Variants in CD99L2 observed in about 807,000 individuals in gnomAD.
The protein encoded by CD99L2 is CD99 antigen-like protein 2.
A neutral mutation model predicts 27.3 loss-of-function variants in CD99L2; 24 were observed. The observed-to-expected ratio is 0.88, with a 90% CI of 0.64 to 1.24. The LOEUF (loss-of-function observed/expected upper bound fraction) is 1.24. CD99L2 is among the 50% of genes most tolerant of loss of function. The pLI is 0.00. For synonymous variants in CD99L2, 97 were observed against 87.9 expected, an observed-to-expected ratio of 1.10 and a Z score of -0.58; for missense variants, 255 against 221.6, an observed-to-expected ratio of 1.15 and a Z score of -0.96.
chrX:150,861,141 C>CAAAAAAAAAAAAAAAAAAAAAAAAAAAA (rs782255590), intron 1 of CD99L2, among the ~76,000 whole-genome samples: 1 of 40,917 alleles, frequency 2.4e-5, no homozygotes, highest in African/African-American at 8.8e-5. Flanking sequence ...GACTCTGTCT[C>CAAAAAAAAAAAAAAAAAAAAAAAAAAAA]AAAAAAAAAA....
intron 2 of CD99L2, among the ~76,000 whole-genome samples, chrX:150,825,896 G>A (rs1161122829): frequency 8.9e-6 from 1 of 111,871 alleles, no homozygotes; most frequent in Non-Finnish European, 1.9e-5. Flanking sequence ...AACAGGGTGG[G>A]TTCCCCCAGG....
intron 1 of CD99L2, among the ~76,000 whole-genome samples, chrX:150,877,046 G>A (rs1368564414): frequency 9.3e-6 from 1 of 107,493 alleles, no homozygotes; most frequent in Admixed American, 9.9e-5. Flanking sequence ...ACTTTGGGAG[G>A]CCAATGCAGG....
At chrX:150,867,977 G>A (rs904229761) in intron 1 of CD99L2, among the ~76,000 whole-genome samples, 10 of 103,652 alleles carry the variant, frequency 9.6e-5, no homozygotes, top group Non-Finnish European at 1.8e-4. Context: ...AGCTACTTGG[G>A]AGGCTGAGGC....
rs1242402502 is a variant in CD99L2, at chrX:150,821,847, G to C, written c.131-5769C>G. Among the ~76,000 whole-genome samples the C allele has an allele frequency of 2.7e-5, 3 of 111,162 alleles. No homozygotes were observed. In the East Asian group the frequency reaches 8.4e-4, roughly 31 times the overall value. On this transcript the variant is annotated intron_variant, in intron 2 of 10. Coordinates refer to ENST00000370377, the MANE Select transcript of CD99L2 (RefSeq NM_031462.4). Reference sequence around the variant, plus strand: ...GTCCCACCTCACAGACACTAGGATGGCTTTCATTTAAAAAAAATAAATAAA... The same window carrying C: ...GTCCCACCTCACAGACACTAGGATGCCTTTCATTTAAAAAAAATAAATAAA...
chrX:150,798,784 A>G (rs781990431), intron 4 of CD99L2, among the ~76,000 whole-genome samples: 1 of 112,752 alleles, frequency 8.9e-6, no homozygotes, highest in African/African-American at 3.2e-5. Context: ...TCACTCTGTC[A>G]CCCAGGCTGG....
chrX:150,858,881 GAATC>G (rs2046932204), intron 1 of CD99L2, among the ~76,000 whole-genome samples: 1 of 111,274 alleles, frequency 9.0e-6, no homozygotes, highest in South Asian at 3.7e-4. Context: ...AAAATACAAA[GAATC>G]AATGAAACAA....
chrX:150,869,117 T>C (rs1557422123), intron 1 of CD99L2, among the ~76,000 whole-genome samples: 1 of 111,855 alleles, frequency 8.9e-6, no homozygotes, highest in Non-Finnish European at 1.9e-5. Context: ...GTGAGTCTGT[T>C]CTCTCATCAC....
intron 1 of CD99L2, among the ~76,000 whole-genome samples, chrX:150,847,786 G>A (rs1317317539): frequency 1.8e-5 from 2 of 110,761 alleles, no homozygotes; most frequent in Admixed American, 1.9e-4. Context: ...ACACTGTCCC[G>A]ACATCTTCTC....
intron 4 of CD99L2, among the ~76,000 whole-genome samples, chrX:150,796,450 TA>T (rs1557419912): frequency 8.9e-6 from 1 of 112,431 alleles, no homozygotes; most frequent in African/African-American, 3.2e-5. Context: ...CAGGAAGACG[TA>T]ACAATCCTGA....
intron 4 of CD99L2, among the ~76,000 whole-genome samples, chrX:150,812,180 T>TA (rs1171844091): frequency 6.3e-5 from 7 of 111,023 alleles, no homozygotes; most frequent in Admixed American, 3.9e-4. Context: ...CAAAAAAAAG[T>TA]ATGATCAATA....
intron 1 of CD99L2, among the ~76,000 whole-genome samples, chrX:150,878,779 A>T (rs782156761): frequency 8.9e-6 from 1 of 112,092 alleles, no homozygotes; most frequent in South Asian, 3.7e-4. Flanking sequence ...CAACATTTAA[A>T]TACATTTTTT....
intron 9 of CD99L2, among the ~76,000 whole-genome samples, chrX:150,770,612 G>A (rs997797360): frequency 2.7e-5 from 3 of 112,917 alleles, no homozygotes; most frequent in African/African-American, 9.7e-5. Flanking sequence ...ATGCAGCGAA[G>A]GCTTCCGGCA....
At chrX:150,854,036 A>T (rs2046833095) in intron 1 of CD99L2, among the ~76,000 whole-genome samples, 1 of 111,210 alleles carries the variant, frequency 9.0e-6, no homozygotes, top group Admixed American at 9.5e-5. Context: ...CCCTTCTCTG[A>T]TGTGTCCCCT....
At position 150,777,474 on chromosome X, in the gene CD99L2, G is replaced by A. The variant is rs781890633; in HGVS notation, c.505C>T (p.Arg169Trp). ...CCAGGGTCGTCATTGCTGCCGTACC[G>A]GCCATCACCTGAAGAAAAGACAAAA... is the stretch of plus-strand genomic sequence containing the variant. ...YKPDKGKGDG[R>W]YGSNDDPGSG... Residue 169 changes from arginine (R) to tryptophan (W), a missense_variant, in exon 8 of 11, where the codon CGG becomes TGG. Transcript: ENST00000370377. 2.1e-5 allele frequency: 26 copies of A among 1,209,598 alleles called. No homozygotes were observed. The highest frequency in any genetic ancestry group is 7.0e-5 in the African/African-American group (4 of 57,309).
chrX:150,778,484 G>C (rs2045444789), intron 7 of CD99L2, among the ~76,000 whole-genome samples: 1 of 102,726 alleles, frequency 9.7e-6, no homozygotes, highest in Non-Finnish European at 2.0e-5. Context: ...TTGATAGTTG[G>C]GGAGGCTGTG....
intron 1 of CD99L2, among the ~76,000 whole-genome samples, chrX:150,879,031 T>C (rs2047279218): frequency 9.0e-6 from 1 of 111,725 alleles, no homozygotes; most frequent in African/African-American, 3.3e-5. Flanking sequence ...CAGCAAGGAG[T>C]GAGGTCACCC....
intron 7 of CD99L2, among the ~76,000 whole-genome samples, chrX:150,785,489 C>A (rs1252068444): frequency 9.0e-6 from 1 of 111,337 alleles, no homozygotes. Context: ...CATTTGCTTA[C>A]GATTCCTTTT....
intron 1 of CD99L2, among the ~76,000 whole-genome samples, chrX:150,896,693 TCAAA>T (rs1324160164): frequency 1.8e-5 from 2 of 112,501 alleles, no homozygotes; most frequent in Non-Finnish European, 3.8e-5. Flanking sequence ...ATATGGATGA[TCAAA>T]CAAGTTCGGG....
intron 1 of CD99L2, among the ~76,000 whole-genome samples, chrX:150,855,161 A>C (rs2046854220): frequency 8.9e-6 from 1 of 111,966 alleles, no homozygotes; most frequent in East Asian, 2.8e-4. Flanking sequence ...GAAATGTTCA[A>C]ATCTGAACAC....
Sources: allele counts gnomAD v4.1 joint callset (sites outside exome capture counted in the v4.1 genomes callset), GRCh38; gene constraint gnomAD v4.1.1; transcripts MANE v1.5; gene names NCBI Gene and HGNC (gene_info 2026-07-23, HGNC 2026-07-21).